NAPB: variants seen among roughly 807,000 people sequenced by gnomAD.
NAPB encodes the protein beta-soluble NSF attachment protein.
Under a neutral mutation model 44.7 loss-of-function variants are expected in NAPB, and 26 were observed. That is an observed-to-expected ratio of 0.58 (90% CI 0.43 to 0.81). NAPB has a LOEUF of 0.81. Ranked by LOEUF, NAPB falls within the 30% of genes least tolerant of loss-of-function variation. NAPB has a pLI of 0.00. For missense variants in NAPB, 315 were observed against 356.4 expected, an observed-to-expected ratio of 0.88 and a Z score of 0.94; for synonymous variants, 120 against 116.8, an observed-to-expected ratio of 1.03 and a Z score of -0.18.
At chr20:23,384,062 T>C (rs1983265782) in intron 7 of NAPB, among the ~76,000 whole-genome samples, 1 of 152,368 alleles carries the variant, frequency 6.6e-6, no homozygotes, top group Non-Finnish European at 1.5e-5. Flanking sequence ...TCCACTTATA[T>C]ACGGATTTTT....
intron 1 of NAPB, among the ~76,000 whole-genome samples, chr20:23,405,552 C>T (rs1156318931): frequency 2.6e-5 from 4 of 152,074 alleles, no homozygotes; most frequent in Non-Finnish European, 4.4e-5. Context: ...GTGAAACCTC[C>T]ATCTCTAGTA....
chr20:23,414,993 A>G (rs1985904836), intron 1 of NAPB, among the ~76,000 whole-genome samples: 2 of 152,160 alleles, frequency 1.3e-5, no homozygotes, highest in Non-Finnish European at 2.9e-5. Flanking sequence ...GCATTAATTC[A>G]TACATGAATT....
chr20:23,376,927 T>A lies in NAPB; in HGVS notation c.*449A>T, dbSNP rs879070578. 6.6e-6 allele frequency: 1 copy of A among 152,332 alleles called. No homozygotes were observed. Among genetic ancestry groups the A allele is most frequent in the Non-Finnish European group, 1.5e-5 (1 of 68,144 alleles). 9.4% of individuals were successfully genotyped at this position (152,332 alleles called of 1,614,324 possible). A position where few individuals can be genotyped will look rare whatever the true frequency, so the allele number is the denominator to read the frequency against. On this transcript the variant is annotated 3_prime_UTR_variant, in exon 11 of 11. Coordinates refer to ENST00000377026, the MANE Select transcript of NAPB (RefSeq NM_022080.3). ...ATAGAAATGATTTCTAATGAAGTTA[T>A]AAACTCATTCCTAGTAACTGTCCTA...
At chr20:23,400,764 G>T (rs185879190) in intron 2 of NAPB, among the ~76,000 whole-genome samples, 1 of 152,058 alleles carries the variant, frequency 6.6e-6, no homozygotes, top group Non-Finnish European at 1.5e-5. Context: ...GAACTTCAAG[G>T]AGTCTAATAT....
intron 1 of NAPB, among the ~76,000 whole-genome samples, chr20:23,408,752 G>A (rs1402015681): frequency 1.3e-5 from 2 of 152,216 alleles, no homozygotes; most frequent in African/African-American, 4.8e-5. Flanking sequence ...AACTGGAAGA[G>A]ATATTTTTAC....
chr20:23,401,880 CGAATAAAT>C (rs1387089993), intron 2 of NAPB, among the ~76,000 whole-genome samples: 1 of 150,248 alleles, frequency 6.7e-6, no homozygotes, highest in East Asian at 2.1e-4. Flanking sequence ...GACTCTGTCT[CGAATAAAT>C]AAATAAATAA....
intron 2 of NAPB, among the ~76,000 whole-genome samples, chr20:23,400,410 G>C (rs569610523): frequency 5.3e-5 from 8 of 152,134 alleles, no homozygotes; most frequent in Non-Finnish European, 8.8e-5. Context: ...CAGCTACTCC[G>C]GAGGCTGAGG....
At chr20:23,383,156 CAAAA>C (rs34238446) in intron 7 of NAPB, among the ~76,000 whole-genome samples, 17,600 of 75,746 alleles carry the variant, frequency 0.23, 813 homozygotes, top group Middle Eastern at 0.4. Flanking sequence ...GACTCGGTCT[CAAAA>C]AAAAAAAAAA....
intron 1 of NAPB, among the ~76,000 whole-genome samples, chr20:23,406,317 C>G (rs1985252604): frequency 6.6e-6 from 1 of 152,108 alleles, no homozygotes; most frequent in African/African-American, 2.4e-5. Context: ...AAAATGACAG[C>G]TAAATGGTAC....
chr20:23,418,791 A>C (rs889519983), intron 1 of NAPB, among the ~76,000 whole-genome samples: 7 of 151,442 alleles, frequency 4.6e-5, no homozygotes, highest in Admixed American at 4.6e-4. Context: ...CAAAAAAAAA[A>C]AAAAAATTAG....
chr20:23,397,233 C>G (rs200282513), intron 2 of NAPB, 45 bp from the exon 3 acceptor site: 7 of 1,576,388 alleles, frequency 4.4e-6, no homozygotes, highest in African/African-American at 2.7e-5. Context: ...AAGTCCCCCC[C>G]AGAGCAGCCC....
Position 23,375,723 on chromosome 20 carries a change from C to G in NAPB, c.*1653G>C, listed in dbSNP as rs555501162. 2.6e-5 allele frequency: 4 copies of G among 152,268 alleles called. No homozygotes were observed. The highest frequency in any genetic ancestry group is 4.4e-5 in the Non-Finnish European group (3 of 68,030). The allele number at this position is 152,268 out of a possible 1,614,324, so 9.4% of individuals were successfully genotyped here. ...GACAGAGTGTCTTCATTGCCACCCCCAGTAGTGGGGACTACAGTGCACCTG... is the reference window on the plus strand; with the variant it reads ...GACAGAGTGTCTTCATTGCCACCCCGAGTAGTGGGGACTACAGTGCACCTG... On this transcript the variant is annotated 3_prime_UTR_variant, in exon 11 of 11. Transcript: ENST00000377026.
chr20:23,403,614 A>AC (rs1439286866), intron 1 of NAPB, among the ~76,000 whole-genome samples: 31 of 151,802 alleles, frequency 2.0e-4, no homozygotes, highest in Non-Finnish European at 7.4e-5. Context: ...AAAAAAAAAA[A>AC]AGACTCAAAC....
At chr20:23,414,891 C>T (rs1985897574) in intron 1 of NAPB, among the ~76,000 whole-genome samples, 1 of 151,940 alleles carries the variant, frequency 6.6e-6, no homozygotes, top group Admixed American at 6.6e-5. Flanking sequence ...ACAATTTGGA[C>T]AATATATTCT....
chr20:23,419,946 T>C (rs923785349), intron 1 of NAPB, among the ~76,000 whole-genome samples: 6 of 152,208 alleles, frequency 3.9e-5, no homozygotes, highest in Non-Finnish European at 7.3e-5. Flanking sequence ...AAGAATGAAG[T>C]TGGCAAAACA....
intron 1 of NAPB, among the ~76,000 whole-genome samples, chr20:23,410,980 A>G (rs4813495): frequency 0.3 from 45,170 of 152,014 alleles, 6,750 homozygotes; most frequent in Middle Eastern, 0.38. Flanking sequence ...TCTCTGTTAT[A>G]GCATACCTAA....
chr20:23,392,100 T>C (rs1043445912), intron 5 of NAPB, among the ~76,000 whole-genome samples: 1 of 152,212 alleles, frequency 6.6e-6, no homozygotes, highest in Non-Finnish European at 1.5e-5. Context: ...GAGCACCCAC[T>C]TTGTAAATAG....
At position 23,386,332 on chromosome 20, in the gene NAPB, CAA is replaced by C. The variant is rs747405131; in HGVS notation, c.561+3612_561+3613del. Among the ~76,000 whole-genome samples, 4 of 151,718 alleles carry C rather than the reference CAA, an allele frequency of 2.6e-5. No individual in the cohort carries two copies. The South Asian group carries it at 6.2e-4, about 24-fold the overall frequency. The stretch of plus-strand genomic sequence containing the variant: ...AAACAGAAATCAGTGAAAATAAAAA[CAA>C]AAAAAGAGAAATAATTGAATTCTAC... On this transcript the variant is annotated intron_variant, in intron 7 of 10. Coordinates refer to ENST00000377026, the MANE Select transcript of NAPB (RefSeq NM_022080.3).
intron 10 of NAPB, 110 bp downstream of exon 10, chr20:23,379,335 G>T (rs756885178): frequency 6.7e-5 from 53 of 795,066 alleles, no homozygotes; most frequent in Non-Finnish European, 1.0e-4. Context: ...CTTAAGGTAT[G>T]CTGGAGTCAT....
Sources: allele counts gnomAD v4.1 joint callset (sites outside exome capture counted in the v4.1 genomes callset), GRCh38; gene constraint gnomAD v4.1.1; transcripts MANE v1.5; gene names NCBI Gene and HGNC (gene_info 2026-07-23, HGNC 2026-07-21).